LRP6: variants seen among roughly 807,000 people sequenced by gnomAD.
LRP6 encodes the protein LDL receptor related protein 6.
Under a neutral mutation model 184.1 loss-of-function variants are expected in LRP6, and 43 were observed. That is an observed-to-expected ratio of 0.23 (90% CI 0.18 to 0.30). The LOEUF is 0.30. Among genes scored for constraint, LRP6 ranks in the 10% least tolerant of loss-of-function variants. LRP6 has a pLI of 1.00. For synonymous variants in LRP6, 719 were observed against 684.9 expected (o/e 1.05, Z -0.78); for missense variants, 1,571 against 2,005.3 (o/e 0.78, Z 4.14).
intron 2 of LRP6, among the ~76,000 whole-genome samples, chr12:12,238,136 CTGA>C (rs1864970619): frequency 6.6e-6 from 1 of 151,188 alleles, no homozygotes; most frequent in South Asian, 2.1e-4. Context: ...AATATAGTCA[CTGA>C]TATTAAAACC....
Position 12,131,875 on chromosome 12 carries a change from G to A in LRP6, c.3916C>T (p.Arg1306Ter), listed in dbSNP as rs1252291809. 2 of 1,614,022 alleles carry A rather than the reference G, an allele frequency of 1.2e-6. No homozygotes were observed. Among genetic ancestry groups the A allele is most frequent in the Non-Finnish European group, 1.7e-6 (2 of 1,180,028 alleles). Residue 1306 changes from arginine to a stop codon, truncating the protein, a stop_gained, in exon 18 of 23, where the codon CGA (arginine) becomes TGA (stop). Transcript: ENST00000261349. LOFTEE classifies it high-confidence loss of function. ...ASGQCIDGALRCNGDANCQDK... is the reference protein window; with the variant it reads ...ASGQCIDGAL ...TGGCAGTTTGCATCTCCATTGCATC[G>A]GAGGGCACCATCAATACACTGCCCA...
At chr12:12,193,679 T>A (rs1173167714) in intron 3 of LRP6, among the ~76,000 whole-genome samples, 1 of 151,954 alleles carries the variant, frequency 6.6e-6, no homozygotes, top group African/African-American at 2.4e-5. Context: ...TAAAACTGAC[T>A]CAAGAAGAAA....
intron 1 of LRP6, among the ~76,000 whole-genome samples, chr12:12,263,572 T>TA (rs1250965288): frequency 1.4e-5 from 2 of 141,424 alleles, no homozygotes; most frequent in African/African-American, 5.2e-5. Context: ...AAAGAATGTG[T>TA]GAATCTGCAC....
At chr12:12,173,066 C>T (rs766006585) in intron 7 of LRP6, among the ~76,000 whole-genome samples, 6 of 152,182 alleles carry the variant, frequency 3.9e-5, no homozygotes, top group Non-Finnish European at 8.8e-5. Context: ...AATTACTATG[C>T]TCTTTTTCTG....
intron 7 of LRP6, among the ~76,000 whole-genome samples, chr12:12,176,584 C>T (rs1863188815): frequency 6.6e-6 from 1 of 152,152 alleles, no homozygotes; most frequent in East Asian, 1.9e-4. Context: ...TTCCCCATTC[C>T]TTCTCCCTGG....
At chr12:12,261,913 G>GT (rs1473553716) in intron 1 of LRP6, among the ~76,000 whole-genome samples, 9 of 152,246 alleles carry the variant, frequency 5.9e-5, no homozygotes, top group African/African-American at 2.2e-4. Flanking sequence ...ACAAAAAAAA[G>GT]TAACGAAGAA....
At chr12:12,126,574 T>G in intron 20 of LRP6, 117 bp downstream of exon 20, 1 of 824,320 alleles carries the variant, frequency 1.2e-6, no homozygotes, top group East Asian at 2.6e-5. Context: ...TTATAATTGT[T>G]TAAACTCAGA....
At chr12:12,139,265 A>G (rs1159206916) in intron 15 of LRP6, among the ~76,000 whole-genome samples, 1 of 152,250 alleles carries the variant, frequency 6.6e-6, no homozygotes, top group Non-Finnish European at 1.5e-5. Flanking sequence ...AGTATCAAGG[A>G]AAGTTTCAGG....
intron 1 of LRP6, among the ~76,000 whole-genome samples, chr12:12,247,227 A>G (rs1426927655): frequency 6.6e-6 from 1 of 152,218 alleles, no homozygotes; most frequent in Non-Finnish European, 1.5e-5. Flanking sequence ...AGGCTAAGGA[A>G]TACCCACGAA....
intron 7 of LRP6, among the ~76,000 whole-genome samples, chr12:12,166,955 C>A (rs1862893325): frequency 6.6e-6 from 1 of 152,100 alleles, no homozygotes; most frequent in Non-Finnish European, 1.5e-5. Flanking sequence ...AAAAATTAGT[C>A]AAGCATGGTG....
chr12:12,144,570 G>A (rs1247187164), intron 15 of LRP6, among the ~76,000 whole-genome samples: 1 of 152,198 alleles, frequency 6.6e-6, no homozygotes, highest in East Asian at 1.9e-4. Flanking sequence ...GAGCTAGGGA[G>A]TTTGAGGCTG....
intron 12 of LRP6, among the ~76,000 whole-genome samples, chr12:12,157,727 G>A (rs1463199475): frequency 6.6e-6 from 1 of 152,096 alleles, no homozygotes; most frequent in Non-Finnish European, 1.5e-5. Flanking sequence ...ATCCTTAGCA[G>A]TTTGTTACTT....
chr12:12,210,004 G>A (rs2137057599), intron 2 of LRP6, among the ~76,000 whole-genome samples: 1 of 152,262 alleles, frequency 6.6e-6, no homozygotes, highest in South Asian at 2.1e-4. Context: ...AGTGTTCCAG[G>A]AAGAGGACAT....
At position 12,244,730 on chromosome 12, in the gene LRP6, C is replaced by A. The variant is rs189919233; in HGVS notation, c.56-75G>T. ...GGTTCTTATAAACTGCGTTTCAAAT[C>A]GGTTTAAGTGAGCAAAGACTGTCGA... On this transcript the variant is annotated intron_variant, in intron 1 of 22. Coordinates refer to ENST00000261349, the MANE Select transcript of LRP6 (RefSeq NM_002336.3). 5.7e-5 allele frequency: 82 copies of A among 1,431,550 alleles called. 1 individual carries two copies. The highest frequency in any genetic ancestry group is 1.6e-4 in the African/African-American group (11 of 70,412). The allele number at this position is 1,431,550 out of a possible 1,614,324, so 88.7% of individuals were successfully genotyped here.
chr12:12,264,352 C>A (rs12304957), intron 1 of LRP6, among the ~76,000 whole-genome samples: 19,873 of 152,106 alleles, frequency 0.13, 1,718 homozygotes, highest in African/African-American at 0.24. Flanking sequence ...CCTAGAGAAG[C>A]GGACTAGACC....
At chr12:12,244,728 A>G in intron 1 of LRP6, 73 bp from the exon 2 acceptor site, 1 of 1,458,884 alleles carries the variant, frequency 6.9e-7, no homozygotes, top group Non-Finnish European at 9.4e-7. Context: ...TGCGTTTCAA[A>G]TCGGTTTAAG....
chr12:12,235,172 A>G (rs1864900939), intron 2 of LRP6, among the ~76,000 whole-genome samples: 1 of 152,214 alleles, frequency 6.6e-6, no homozygotes, highest in Non-Finnish European at 1.5e-5. Context: ...AAACTCCCTT[A>G]ATGTGTACAC....
intron 3 of LRP6, among the ~76,000 whole-genome samples, chr12:12,192,359 G>C (rs1385430943): frequency 1.4e-5 from 2 of 147,244 alleles, no homozygotes; most frequent in Non-Finnish European, 3.0e-5. Flanking sequence ...AAGGACAAAG[G>C]AACAAAGATG....
At chr12:12,240,400 G>A (rs1177380565) in intron 2 of LRP6, among the ~76,000 whole-genome samples, 3 of 151,898 alleles carry the variant, frequency 2.0e-5, no homozygotes, top group African/African-American at 4.8e-5. Flanking sequence ...GGCAAAACCC[G>A]TCTCTACTAA....
Sources: allele counts gnomAD v4.1 joint callset (sites outside exome capture counted in the v4.1 genomes callset), GRCh38; gene constraint gnomAD v4.1.1; transcripts MANE v1.5; gene names NCBI Gene and HGNC (gene_info 2026-07-23, HGNC 2026-07-21).